Variants in LRP1B observed in about 807,000 individuals in gnomAD.
The protein encoded by LRP1B is low-density lipoprotein receptor-related protein 1B.
LRP1B carries 217 observed loss-of-function variants against 556.6 expected under a neutral mutation model. That is an observed-to-expected ratio of 0.39 (90% CI 0.35 to 0.44). The LOEUF (loss-of-function observed/expected upper bound fraction) is 0.44, where lower values mean the gene tolerates loss of function less well. LRP1B is among the 20% of genes least tolerant of loss of function. LRP1B has a pLI of 1.00. For synonymous variants in LRP1B, 2,047 were observed against 1,865.8 expected, an observed-to-expected ratio of 1.10 and a Z score of -2.50; for missense variants, 5,053 against 5,620.8, an observed-to-expected ratio of 0.90 and a Z score of 3.23.
chr2:141,983,796 C>T (rs1303470477), intron 1 of LRP1B, among the ~76,000 whole-genome samples: 3 of 152,156 alleles, frequency 2.0e-5, no homozygotes, highest in African/African-American at 7.2e-5. Flanking sequence ...CGTGGTGGCT[C>T]ACGCCTGCAA....
rs1466654201 is a variant in LRP1B at position 141,490,721 on chromosome 2, C to G, written c.206-10188G>C. On this transcript the variant is annotated intron_variant, in intron 2 of 90. Transcript: ENST00000389484. Reference sequence around the variant, plus strand: ...AGTAATTGACATTGCAGCATTACCTCTCATCAAACCCCATATTAATAGAAG... The same window carrying G: ...AGTAATTGACATTGCAGCATTACCTGTCATCAAACCCCATATTAATAGAAG... 2.6e-5 allele frequency among the ~76,000 whole-genome samples: 4 copies of G among 152,142 alleles called. No homozygotes were observed. The East Asian group carries it at 7.7e-4, about 29-fold the overall frequency.
chr2:141,709,867 G>C (rs567249268), intron 2 of LRP1B, among the ~76,000 whole-genome samples: 2 of 152,208 alleles, frequency 1.3e-5, no homozygotes, highest in Admixed American at 6.5e-5. Flanking sequence ...ATTTCTCACA[G>C]ATCTGGAGGC....
At chr2:141,822,130 C>CAGAGAGAG (rs1553469382) in intron 1 of LRP1B, among the ~76,000 whole-genome samples, 23 of 95,892 alleles carry the variant, frequency 2.4e-4, no homozygotes, top group African/African-American at 9.4e-4. Context: ...CACACACACA[C>CAGAGAGAG]AGAGAGAGAG....
At chr2:140,887,301 G>T (rs1351025033) in intron 23 of LRP1B, among the ~76,000 whole-genome samples, 1 of 152,108 alleles carries the variant, frequency 6.6e-6, no homozygotes, top group African/African-American at 2.4e-5. Flanking sequence ...ATGCACAGTT[G>T]TTTAAAAGAA....
At chr2:141,130,358 A>G (rs1020137490) in intron 7 of LRP1B, among the ~76,000 whole-genome samples, 1 of 152,112 alleles carries the variant, frequency 6.6e-6, no homozygotes, top group African/African-American at 2.4e-5. Flanking sequence ...CAGGAAAAAG[A>G]CAAATTAAAA....
At position 141,260,387 on chromosome 2, in the gene LRP1B, A is replaced by G. The variant is rs2105350232; in HGVS notation, c.344-5746T>C. The stretch of plus-strand genomic sequence containing the variant: ...CTTTGTAACATCATTGGGATTTAGG[A>G]CACCTTTTCACAAATGTATGCGAGT... On this transcript the variant is annotated intron_variant, in intron 3 of 90. Coordinates refer to ENST00000389484, the MANE Select transcript of LRP1B (RefSeq NM_018557.3). Among the ~76,000 whole-genome samples the G allele has an allele frequency of 1.3e-5, 2 of 152,282 alleles. 1 individual carries two copies. Among genetic ancestry groups the G allele is most frequent in the Admixed American group, 1.3e-4 (2 of 15,282 alleles).
rs1559079668 is a variant in LRP1B at position 142,115,554 on chromosome 2, T to TG, written c.82+15093_82+15094insC. ...ATATATTACATATGTAATATATATATTATATATGTAATATATATTATATAT... is the reference window on the plus strand; with the variant it reads ...ATATATTACATATGTAATATATATATGTATATATGTAATATATATTATATAT... On this transcript the variant is annotated intron_variant, in intron 1 of 90. Coordinates refer to ENST00000389484, the MANE Select transcript of LRP1B (RefSeq NM_018557.3). Among the ~76,000 whole-genome samples the TG allele has an allele frequency of 2.5e-4, 5 of 20,170 alleles. 1 individual carries two copies. The East Asian group carries it at 8.6e-3, about 35-fold the overall frequency. The allele number at this position is 20,170 out of a possible 152,430, so 13.2% of individuals were successfully genotyped here.
At chr2:141,239,948 CA>C (rs1187167735) in intron 5 of LRP1B, among the ~76,000 whole-genome samples, 1 of 152,044 alleles carries the variant, frequency 6.6e-6, no homozygotes, top group African/African-American at 2.4e-5. Context: ...TCTAAGTACT[CA>C]ATCATTCTGA....
At chr2:140,705,298 C>T (rs948245589) in intron 37 of LRP1B, among the ~76,000 whole-genome samples, 9 of 151,680 alleles carry the variant, frequency 5.9e-5, no homozygotes, top group East Asian at 1.9e-4. Flanking sequence ...CTGAGGCAGG[C>T]GTATCACTTG....
At chr2:141,091,744 T>C (rs1305619924) in intron 7 of LRP1B, among the ~76,000 whole-genome samples, 1 of 152,176 alleles carries the variant, frequency 6.6e-6, no homozygotes, top group Non-Finnish European at 1.5e-5. Context: ...TATTATAAAA[T>C]AAACATCTGA....
intron 1 of LRP1B, among the ~76,000 whole-genome samples, chr2:141,850,578 T>C (rs920515024): frequency 1.4e-5 from 2 of 146,966 alleles, no homozygotes; most frequent in African/African-American, 4.9e-5. Context: ...TGTATATGTG[T>C]GTATGTATAT....
Position 142,072,245 on chromosome 2 carries a change from C to T in LRP1B, c.82+58403G>A, listed in dbSNP as rs145166497. Among the ~76,000 whole-genome samples the T allele has an allele frequency of 3.5e-3, 534 of 152,078 alleles. 3 individuals carry two copies. The highest frequency in any genetic ancestry group is 0.012 in the African/African-American group (480 of 41,532). On this transcript the variant is annotated intron_variant, in intron 1 of 90. Transcript: ENST00000389484. The stretch of plus-strand genomic sequence containing the variant: ...GATCTTGAAAAGCTTTTGATCATGT[C>T]ACCTAAGGTAGTACTAGGTAAGTTT...
intron 41 of LRP1B, among the ~76,000 whole-genome samples, chr2:140,693,726 C>T (rs1686326571): frequency 1.3e-5 from 2 of 150,058 alleles, no homozygotes; most frequent in Admixed American, 6.6e-5. Flanking sequence ...GGCGGGGGGG[C>T]GTGGAGAGTC....
intron 3 of LRP1B, among the ~76,000 whole-genome samples, chr2:141,410,571 C>T (rs1335602057): frequency 2.0e-5 from 3 of 151,868 alleles, no homozygotes; most frequent in South Asian, 4.1e-4. Context: ...CATGCATGCA[C>T]GAAATGATGG....
In LRP1B at chr2:140,287,591, T is replaced by G. The variant is rs533694927; in HGVS notation, c.12967+10217A>C. On this transcript the variant is annotated intron_variant, in intron 84 of 90. Coordinates refer to ENST00000389484, the MANE Select transcript of LRP1B (RefSeq NM_018557.3). ...TTGTTTTGTCAAACTGAAATTTAGA[T>G]CATATTATTACCATGGGTTTAGACA... Among the ~76,000 whole-genome samples, 7 of 149,880 alleles carry G rather than the reference T, an allele frequency of 4.7e-5. No individual in the cohort carries two copies. The East Asian group carries it at 1.2e-3, about 25-fold the overall frequency.
At chr2:141,850,925 A>G (rs908523448) in intron 1 of LRP1B, among the ~76,000 whole-genome samples, 5 of 151,784 alleles carry the variant, frequency 3.3e-5, no homozygotes, top group Admixed American at 2.0e-4. Context: ...GGGAATTATG[A>G]TCATATGTCA....
intron 18 of LRP1B, among the ~76,000 whole-genome samples, chr2:140,959,047 T>C (rs543075623): frequency 4.8e-5 from 7 of 146,074 alleles, no homozygotes; most frequent in African/African-American, 1.8e-4. Flanking sequence ...ACTTGAAGTG[T>C]GCTGCTCAGA....
intron 66 of LRP1B, among the ~76,000 whole-genome samples, chr2:140,429,656 A>G (rs1157815293): frequency 6.6e-6 from 1 of 151,538 alleles, no homozygotes; most frequent in East Asian, 1.9e-4. Flanking sequence ...CAAAACAACA[A>G]CTCCTTTCCT....
In LRP1B at chr2:140,718,363, C is replaced by A. The variant is rs148103376; in HGVS notation, c.5759-1547G>T. Among the ~76,000 whole-genome samples, 674 of 152,038 alleles carry A rather than the reference C, an allele frequency of 4.4e-3. 5 individuals are homozygous for A. The highest frequency in any genetic ancestry group is 0.014 in the African/African-American group (596 of 41,486). On this transcript the variant is annotated intron_variant, in intron 35 of 90. Transcript: ENST00000389484. ...TCACCAGATACTCTCATATTTAATC[C>A]ATTACCAAGCATTTTTTGTTCACTT...
Sources: allele counts gnomAD v4.1 joint callset (sites outside exome capture counted in the v4.1 genomes callset), GRCh38; gene constraint gnomAD v4.1.1; transcripts MANE v1.5; gene names NCBI Gene and HGNC (gene_info 2026-07-23, HGNC 2026-07-21).